RAB15: variants seen among roughly 807,000 people sequenced by gnomAD.
The protein encoded by RAB15 is RAB15, member RAS oncogene family.
Under a neutral mutation model 31.8 loss-of-function variants are expected in RAB15, and 13 were observed. The ratio of observed to expected loss-of-function variants is 0.41; its 90% CI spans 0.27 to 0.65. The LOEUF (loss-of-function observed/expected upper bound fraction) is 0.65, where lower values mean the gene tolerates loss of function less well. RAB15 is among the 30% of genes least tolerant of loss of function. The pLI is 0.32. For missense variants in RAB15, 220 were observed against 277.3 expected (o/e 0.79, Z 1.47); for synonymous variants, 100 against 105.6 (o/e 0.95, Z 0.33).
In RAB15 at chr14:64,948,998, C is replaced by T. The variant is rs1886080155; in HGVS notation, c.415-265G>A. On this transcript the variant is annotated intron_variant, in intron 5 of 6. Transcript: ENST00000533601. The surrounding 1 kb of genome is among the most constrained non-coding windows in gnomAD (Gnocchi z 7.0). Reference sequence around the variant, plus strand: ...AATCATATATCAGGAGATAAAGACACCATCCATTGTGGCAGTATGGCATCC... The same window carrying T: ...AATCATATATCAGGAGATAAAGACATCATCCATTGTGGCAGTATGGCATCC... 6.6e-6 allele frequency among the ~76,000 whole-genome samples: 1 copy of T among 152,188 alleles called. No individual in the cohort carries two copies. The highest frequency in any genetic ancestry group is 1.5e-5 in the Non-Finnish European group (1 of 68,040).
intron 1 of RAB15, among the ~76,000 whole-genome samples, chr14:64,960,978 T>TTGCC (rs1024344426): frequency 6.6e-6 from 1 of 152,202 alleles, no homozygotes. Flanking sequence ...AGCTGCCAGC[T>TTGCC]TGCCTGCCTG....
At chr14:64,965,970 C>CA (rs1887114757) in intron 1 of RAB15, among the ~76,000 whole-genome samples, 4 of 152,132 alleles carry the variant, frequency 2.6e-5, no homozygotes, top group Admixed American at 1.3e-4. Context: ...GGAGGAGAAA[C>CA]AGAGGCCTGA....
chr14:64,967,921 C>T (rs527753567), intron 1 of RAB15, among the ~76,000 whole-genome samples: 1 of 152,246 alleles, frequency 6.6e-6, no homozygotes, highest in East Asian at 1.9e-4. Flanking sequence ...TACTGCAGCC[C>T]CTGACTAGTC....
At chr14:64,965,957 T>C (rs1190093703) in intron 1 of RAB15, among the ~76,000 whole-genome samples, 1 of 152,068 alleles carries the variant, frequency 6.6e-6, no homozygotes, top group Non-Finnish European at 1.5e-5. Flanking sequence ...TGTGCCTGTG[T>C]CAGGAGGAGA....
chr14:64,948,757 AAG>A lies in RAB15; in HGVS notation c.415-26_415-25del, dbSNP rs1886065051. ...AGCTGCAAGAGAAGGACATTTCTGA[AAG>A]AGAGTCAGTAAGGCAGGGGAGGGGC... On this transcript the variant is annotated intron_variant, in intron 5 of 6. Transcript: ENST00000533601. This position sits in a 1 kb window ranked among gnomAD's most constrained non-coding sequence, Gnocchi z 7.0. 9 of 1,148,224 alleles carry A rather than the reference AAG, an allele frequency of 7.8e-6. No homozygotes were observed. The highest frequency in any genetic ancestry group is 1.1e-5 in the Non-Finnish European group (9 of 816,340). 71.1% of individuals were successfully genotyped at this position (1,148,224 alleles called of 1,614,324 possible).
rs1886429431 is a variant in RAB15, at chr14:64,954,425, C to T, written c.125-1854G>A. On this transcript the variant is annotated intron_variant, in intron 1 of 6. Transcript: ENST00000533601. The surrounding 1 kb of genome is among the most constrained non-coding windows in gnomAD (Gnocchi z 4.3). The stretch of plus-strand genomic sequence containing the variant: ...TTCCAAGAAGAACGAGAAATTTTCT[C>T]CAATTTGTAATATACCTGGTTTATC... 1.0e-6 allele frequency: 1 copy of T among 985,346 alleles called. No homozygotes were observed. Among genetic ancestry groups the T allele is most frequent in the African/African-American group, 1.7e-5 (1 of 57,240 alleles). The allele number at this position is 985,346 out of a possible 1,614,324, so 61.0% of individuals were successfully genotyped here. A position where few individuals can be genotyped will look rare whatever the true frequency, so the allele number is the denominator to read the frequency against.
Position 64,951,195 on chromosome 14 carries a change from G to C in RAB15, c.247-44C>G. The C allele has an allele frequency of 6.6e-7, 1 of 1,525,368 alleles. No homozygotes were observed. Among genetic ancestry groups the C allele is most frequent in the Non-Finnish European group, 9.0e-7 (1 of 1,105,774 alleles). 94.5% of individuals were successfully genotyped at this position (1,525,368 alleles called of 1,614,324 possible). A position where few individuals can be genotyped will look rare whatever the true frequency, so the allele number is the denominator to read the frequency against. On this transcript the variant is annotated intron_variant, in intron 3 of 6. Transcript: ENST00000533601. This position sits in a 1 kb window ranked among gnomAD's most constrained non-coding sequence, Gnocchi z 7.2. ...GAGAGATGTGATATGCACAGAGAGA[G>C]TGCAGTCATGGGGCCAGAAGGGGCC...
rs1208126910 is a variant in RAB15 at position 64,962,076 on chromosome 14, G to A, written c.125-9505C>T. Among the ~76,000 whole-genome samples, 9 of 152,118 alleles carry A rather than the reference G, an allele frequency of 5.9e-5. No individual in the cohort carries two copies. Among genetic ancestry groups the A allele is most frequent in the African/African-American group, 1.4e-4 (6 of 41,402 alleles). On this transcript the variant is annotated intron_variant, in intron 1 of 6. Transcript: ENST00000533601. This position sits in a 1 kb window ranked among gnomAD's most constrained non-coding sequence, Gnocchi z 4.2. ...CTAAAAATACAAAAATTAGCTGGTC[G>A]TGGTGGCAGGCTCCTGGAATCCCAG... is the stretch of plus-strand genomic sequence containing the variant.
chr14:64,964,868 C>G (rs1239168352), intron 1 of RAB15, among the ~76,000 whole-genome samples: 2 of 152,132 alleles, frequency 1.3e-5, no homozygotes, highest in African/African-American at 4.8e-5. Flanking sequence ...AGCCACCGCA[C>G]CCAGCCATAA....
chr14:64,958,521 T>C lies in RAB15; in HGVS notation c.125-5950A>G, dbSNP rs994451707. On this transcript the variant is annotated intron_variant, in intron 1 of 6. Coordinates refer to ENST00000533601, the MANE Select transcript of RAB15 (RefSeq NM_001308154.2). The surrounding 1 kb of genome is among the most constrained non-coding windows in gnomAD (Gnocchi z 4.4). ...TTTCTCTTGCTTTAAATTACTCAGC[T>C]AAAGGCATTTTGTTACAGCAGCCAG... Among the ~76,000 whole-genome samples, 4 of 152,138 alleles carry C rather than the reference T, an allele frequency of 2.6e-5. No individual in the cohort carries two copies. The highest frequency in any genetic ancestry group is 7.2e-5 in the African/African-American group (3 of 41,436).
At position 64,951,644 on chromosome 14, in the gene RAB15, T is replaced by A. The variant is rs1886258331; in HGVS notation, c.205A>T (p.Arg69Ter). The A allele has an allele frequency of 6.2e-7, 1 of 1,613,980 alleles. No homozygotes were observed. Among genetic ancestry groups the A allele is most frequent in the Non-Finnish European group, 8.5e-7 (1 of 1,179,996 alleles). The change falls in exon 3 of 7, where the codon AGA becomes TGA. Residue 69 changes from arginine to a stop codon, truncating the protein, a stop_gained. Coordinates refer to ENST00000533601, the MANE Select transcript of RAB15 (RefSeq NM_001308154.2). LOFTEE classifies it high-confidence loss of function. The surrounding 1 kb of genome is among the most constrained non-coding windows in gnomAD (Gnocchi z 7.2). Reference sequence around the variant, plus strand: ...TACTGCTTTGTGATGGTCTGGTATCTCTCCTGCCCTGCAGTGTCCCTGCAG... The same window carrying A: ...TACTGCTTTGTGATGGTCTGGTATCACTCCTGCCCTGCAGTGTCCCTGCAG... Reference protein sequence around the residue: ...IQIWDTAGQERYQTITKQYYR... With the variant: ...IQIWDTAGQE
rs1273902302 is a variant in RAB15 at position 64,970,667 on chromosome 14, T to A, written c.124+1286A>T. Among the ~76,000 whole-genome samples, 1 of 152,234 alleles carries A rather than the reference T, an allele frequency of 6.6e-6. No homozygotes were observed. Among genetic ancestry groups the A allele is most frequent in the Non-Finnish European group, 1.5e-5 (1 of 68,044 alleles). ...AAGCACTTAACAATCGTTATCTCAT[T>A]TAATCTTGACAACAACTTGGCAGGT... is the stretch of plus-strand genomic sequence containing the variant. On this transcript the variant is annotated intron_variant, in intron 1 of 6. Transcript: ENST00000533601. The surrounding 1 kb of genome is among the most constrained non-coding windows in gnomAD (Gnocchi z 4.1).
rs1885972245 is a variant in RAB15 at position 64,947,268 on chromosome 14, A to G, written c.*1086T>C. On this transcript the variant is annotated 3_prime_UTR_variant, in exon 7 of 7. Transcript: ENST00000533601. The surrounding 1 kb of genome is among the most constrained non-coding windows in gnomAD (Gnocchi z 5.6). ...TGCTACATTCCCCTCTGCTGTGCAA[A>G]CTGCTGTCCCTGGCCAGCTCTCCCT... The G allele has an allele frequency of 6.6e-6, 1 of 152,510 alleles. No individual in the cohort carries two copies. The highest frequency in any genetic ancestry group is 6.5e-5 in the Admixed American group (1 of 15,280). The allele number at this position is 152,510 out of a possible 1,614,324, so 9.4% of individuals were successfully genotyped here.
chr14:64,950,240 C>T lies in RAB15; in HGVS notation c.414+85G>A. Reference sequence around the variant, plus strand: ...TGTGGGAGGACCTGCCACTGGGGAACACACCCCTAGGTCCCCACGCTCAGG... The same window carrying T: ...TGTGGGAGGACCTGCCACTGGGGAATACACCCCTAGGTCCCCACGCTCAGG... On this transcript the variant is annotated intron_variant, in intron 5 of 6. Transcript: ENST00000533601. This position sits in a 1 kb window ranked among gnomAD's most constrained non-coding sequence, Gnocchi z 5.6. The T allele has an allele frequency of 8.7e-7, 1 of 1,143,838 alleles. No individual in the cohort carries two copies. The highest frequency in any genetic ancestry group is 1.3e-6 in the Non-Finnish European group (1 of 755,444). 70.9% of individuals were successfully genotyped at this position (1,143,838 alleles called of 1,614,324 possible).
At position 64,948,629 on chromosome 14, in the gene RAB15, A is replaced by G. The variant is rs1211571602; in HGVS notation, c.480+39T>C. The G allele has an allele frequency of 6.2e-7, 1 of 1,612,802 alleles. No individual in the cohort carries two copies. The highest frequency in any genetic ancestry group is 1.3e-5 in the African/African-American group (1 of 74,892). On this transcript the variant is annotated intron_variant, in intron 6 of 6. Coordinates refer to ENST00000533601, the MANE Select transcript of RAB15 (RefSeq NM_001308154.2). This position sits in a 1 kb window ranked among gnomAD's most constrained non-coding sequence, Gnocchi z 7.0. ...TCCTCCTCCCACCTCTGCTGGACTCAGCCCGAGAGAGCGGGCGCCTGGTCA... is the reference window on the plus strand; with the variant it reads ...TCCTCCTCCCACCTCTGCTGGACTCGGCCCGAGAGAGCGGGCGCCTGGTCA...
At chr14:64,969,886 T>C (rs1369544321) in intron 1 of RAB15, among the ~76,000 whole-genome samples, 1 of 152,018 alleles carries the variant, frequency 6.6e-6, no homozygotes, top group Non-Finnish European at 1.5e-5. Flanking sequence ...TGATTAGAGG[T>C]GTGAGGCAAT....
Position 64,953,677 on chromosome 14 carries a change from G to A in RAB15, c.125-1106C>T, listed in dbSNP as rs1464776068. 4.5e-6 allele frequency: 2 copies of A among 445,338 alleles called. No individual in the cohort carries two copies. The highest frequency in any genetic ancestry group is 5.9e-6 in the Non-Finnish European group (2 of 336,470). 27.6% of individuals were successfully genotyped at this position (445,338 alleles called of 1,614,324 possible). On this transcript the variant is annotated intron_variant, in intron 1 of 6. Transcript: ENST00000533601. The surrounding 1 kb of genome is among the most constrained non-coding windows in gnomAD (Gnocchi z 4.6). ...GCCAGCTTGACTCTGAGTGACAACAGAGAGATGAGGGAGGTTGTTTTGCTG... is the reference window on the plus strand; with the variant it reads ...GCCAGCTTGACTCTGAGTGACAACAAAGAGATGAGGGAGGTTGTTTTGCTG...
chr14:64,968,219 G>C lies in RAB15; in HGVS notation c.124+3734C>G, dbSNP rs905233269. Among the ~76,000 whole-genome samples, 9 of 152,190 alleles carry C rather than the reference G, an allele frequency of 5.9e-5. No homozygotes were observed. The highest frequency in any genetic ancestry group is 2.2e-4 in the African/African-American group (9 of 41,446). On this transcript the variant is annotated intron_variant, in intron 1 of 6. Transcript: ENST00000533601. This position sits in a 1 kb window ranked among gnomAD's most constrained non-coding sequence, Gnocchi z 4.9. ...AACAGAAGAATCTTCTCACTTTCCT[G>C]AAGAATCCCTTCTGTTGCATCTAAA...
rs1399666993 is a variant in RAB15, at chr14:64,970,168, C to T, written c.124+1785G>A. On this transcript the variant is annotated intron_variant, in intron 1 of 6. Coordinates refer to ENST00000533601, the MANE Select transcript of RAB15 (RefSeq NM_001308154.2). This position sits in a 1 kb window ranked among gnomAD's most constrained non-coding sequence, Gnocchi z 4.1. ...CCAGGGCCTCCCAGGCAGCCCACAG[C>T]TCTCTGGAGATAGCTCAGTAGTTCC... Among the ~76,000 whole-genome samples the T allele has an allele frequency of 7.9e-5, 12 of 152,210 alleles. No homozygotes were observed. Among genetic ancestry groups the T allele is most frequent in the Non-Finnish European group, 4.4e-5 (3 of 68,036 alleles).
Sources: gnomAD v4.1 joint callset for allele counts (sites outside exome capture counted in the v4.1 genomes callset) on GRCh38, gnomAD v4.1.1 for gene constraint, Gnocchi (gnomAD v3.1) non-coding constraint, MANE v1.5 for transcripts, NCBI Gene and HGNC (gene_info 2026-07-23, HGNC 2026-07-21) for gene names.